AVEN: variants seen among roughly 807,000 people sequenced by gnomAD.
AVEN encodes apoptosis and caspase activation inhibitor, also known as cell death regulator Aven.
In AVEN, 41 loss-of-function variants were observed where a neutral mutation model predicts 38.1. The ratio of observed to expected loss-of-function variants is 1.08; its 90% CI spans 0.84 to 1.40. The LOEUF is 1.40. AVEN is among the 40% of genes most tolerant of loss of function. AVEN has a pLI of 0.00. For synonymous variants in AVEN, 206 were observed against 171.8 expected (o/e 1.20, Z -1.56); for missense variants, 605 against 438.8 (o/e 1.38, Z -3.38).
intron 2 of AVEN, among the ~76,000 whole-genome samples, chr15:33,895,555 G>C (rs1267576974): frequency 6.6e-6 from 1 of 151,840 alleles, no homozygotes; most frequent in Non-Finnish European, 1.5e-5. Context: ...CGAATTCCTG[G>C]CTCAAGTGTT....
intron 2 of AVEN, among the ~76,000 whole-genome samples, chr15:34,001,890 A>T (rs1321132915): frequency 6.6e-6 from 1 of 152,246 alleles, no homozygotes; most frequent in Middle Eastern, 3.2e-3. Flanking sequence ...CATCAAAGTC[A>T]TGAGGAAGAA....
At chr15:33,883,316 T>C (rs1285949762) in intron 2 of AVEN, among the ~76,000 whole-genome samples, 3 of 151,820 alleles carry the variant, frequency 2.0e-5, no homozygotes, top group Non-Finnish European at 2.9e-5. Flanking sequence ...TGTCTAAATC[T>C]GGCTACTAAA....
chr15:33,877,536 C>T (rs1011793644), intron 2 of AVEN, among the ~76,000 whole-genome samples: 14 of 152,328 alleles, frequency 9.2e-5, no homozygotes, highest in African/African-American at 1.9e-4. Context: ...AAAAGGGGGC[C>T]GGGCGCGGTG....
chr15:34,012,109 A>G (rs768824360), intron 1 of AVEN, among the ~76,000 whole-genome samples: 3 of 152,228 alleles, frequency 2.0e-5, no homozygotes, highest in Non-Finnish European at 2.9e-5. Context: ...AAATTAAGCC[A>G]TTTTGCAAGT....
intron 2 of AVEN, among the ~76,000 whole-genome samples, chr15:33,940,329 A>G (rs994875053): frequency 6.6e-6 from 1 of 152,226 alleles, no homozygotes; most frequent in Non-Finnish European, 1.5e-5. Flanking sequence ...CAAATATTTC[A>G]ATAAAACAAA....
intron 2 of AVEN, among the ~76,000 whole-genome samples, chr15:33,919,002 C>T (rs1283668890): frequency 6.8e-6 from 1 of 147,820 alleles, no homozygotes; most frequent in African/African-American, 2.5e-5. Flanking sequence ...CTCACTGCAA[C>T]CTCCGCCTCC....
chr15:34,007,621 C>T (rs1168768885), intron 1 of AVEN, among the ~76,000 whole-genome samples: 1 of 152,192 alleles, frequency 6.6e-6, no homozygotes, highest in African/African-American at 2.4e-5. Context: ...AATTCCAAAG[C>T]CACTTCCACA....
At chr15:34,074,772 A>G (rs897945447) in exon 1 of AVEN, among the ~76,000 whole-genome samples, 2 of 152,202 alleles carry the variant, frequency 1.3e-5, no homozygotes, top group Non-Finnish European at 2.9e-5. Flanking sequence ...TAGGACTCCA[A>G]TGTATCTGTT....
intron 2 of AVEN, among the ~76,000 whole-genome samples, chr15:33,965,670 G>A (rs1156590971): frequency 2.0e-5 from 3 of 152,062 alleles, no homozygotes; most frequent in Non-Finnish European, 4.4e-5. Flanking sequence ...AATACATAGA[G>A]TTGTAAAAAG....
chr15:33,875,573 C>G lies in AVEN; in HGVS notation c.516+352G>C, dbSNP rs538977154. ...ACCTAACACCAAAAACAGTGAGAGA[C>G]AGAAAACTAATTTTCAACTCTCAAG... On this transcript the variant is annotated intron_variant, in intron 3 of 5. Transcript: ENST00000306730. 3.4e-4 allele frequency among the ~76,000 whole-genome samples: 51 copies of G among 152,234 alleles called. 1 individual carries two copies. Among genetic ancestry groups the G allele is most frequent in the Non-Finnish European group, 5.7e-4 (39 of 68,008 alleles).
chr15:33,956,764 T>C (rs1310895258), intron 2 of AVEN, among the ~76,000 whole-genome samples: 1 of 152,184 alleles, frequency 6.6e-6, no homozygotes, highest in Non-Finnish European at 1.5e-5. Flanking sequence ...ATGTCTATAA[T>C]TTGTTCTAAT....
At chr15:33,864,083 C>CTTGGGTCTTGACCAGAGTACCT, downstream of AVEN, 1 of 1,332,590 alleles carries the variant, frequency 7.5e-7, no homozygotes, top group Non-Finnish European at 1.1e-6. Context: ...TTAATCCATG[C>CTTGGGTCTTGACCAGAGTACCT]GAATGAACTT....
At chr15:34,074,029 G>T (rs1597400151) in intron 1 of AVEN, among the ~76,000 whole-genome samples, 2 of 107,700 alleles carry the variant, frequency 1.9e-5, no homozygotes, top group Non-Finnish European at 1.7e-5. Context: ...ACACAGTCCT[G>T]CTCTGTCATC....
intron 2 of AVEN, among the ~76,000 whole-genome samples, chr15:33,920,249 T>C (rs540683345): frequency 6.6e-6 from 1 of 152,338 alleles, no homozygotes; most frequent in African/African-American, 2.4e-5. Flanking sequence ...AACAGTTCAG[T>C]AGCATTAAGT....
chr15:33,967,406 G>A (rs894655687), intron 2 of AVEN, among the ~76,000 whole-genome samples: 1 of 151,932 alleles, frequency 6.6e-6, no homozygotes, highest in Non-Finnish European at 1.5e-5. Context: ...AATGGCACAG[G>A]GTCATGTGAA....
At chr15:34,028,501 G>A (rs1351656806) in intron 1 of AVEN, among the ~76,000 whole-genome samples, 1 of 152,196 alleles carries the variant, frequency 6.6e-6, no homozygotes, top group African/African-American at 2.4e-5. Context: ...GGAGGTCAAG[G>A]CTTTGGTGAG....
Position 33,870,988 on chromosome 15 carries a change from G to T in AVEN, c.559C>A (p.Leu187Ile). Residue 187 changes from leucine (L) to isoleucine (I), a missense_variant, in exon 4 of 6, where the codon CTT (leucine) becomes ATT (isoleucine). By Grantham distance (5) the Leu-to-Ile change is conservative. Transcript: ENST00000306730. ...YVDSELLVRA[L>I]QELPLCLRLN... is the part of the protein sequence containing the mutation. ...CGGAGGCAGAGAGGCAGCTCTTGAA[G>T]GGCTCGAACCAATAACTCACTATCC... The T allele has an allele frequency of 6.2e-7, 1 of 1,610,144 alleles. No individual in the cohort carries two copies. Among genetic ancestry groups the T allele is most frequent in the Non-Finnish European group, 8.5e-7 (1 of 1,177,656 alleles).
intron 2 of AVEN, among the ~76,000 whole-genome samples, chr15:33,928,575 G>A (rs1299292207): frequency 1.3e-5 from 2 of 152,184 alleles, no homozygotes; most frequent in South Asian, 2.1e-4. Context: ...TCTCCAAGAC[G>A]CAACTGAATG....
At chr15:33,886,781 T>G (rs897846950) in intron 2 of AVEN, among the ~76,000 whole-genome samples, 3 of 152,232 alleles carry the variant, frequency 2.0e-5, no homozygotes, top group Non-Finnish European at 4.4e-5. Context: ...AGTGTGAGAA[T>G]TGACTAATAC....
Sources: gnomAD v4.1 joint callset for allele counts (sites outside exome capture counted in the v4.1 genomes callset) on GRCh38, gnomAD v4.1.1 for gene constraint, MANE v1.5 for transcripts, NCBI Gene and HGNC (gene_info 2026-07-23, HGNC 2026-07-21) for gene names.